The following SP140 variants were observed in gnomAD, a reference collection of about 807,000 sequenced individuals.
The protein encoded by SP140 is SP140 nuclear body protein.
SP140 carries 81 observed loss-of-function variants against 125.0 expected under a neutral mutation model. The observed-to-expected ratio is 0.65, with a 90% CI of 0.54 to 0.78. SP140 has a LOEUF of 0.78. SP140 is among the 30% of genes least tolerant of loss of function. The probability of loss-of-function intolerance (pLI) is 0.00; values close to 1 mark genes in which losing one functional copy is unlikely to be tolerated. For synonymous variants in SP140, 312 were observed against 354.0 expected (o/e 0.88, Z 1.33); for missense variants, 858 against 1,037.0 (o/e 0.83, Z 2.37).
chr2:230,260,716 A>C (rs2052088310), intron 12 of SP140, among the ~76,000 whole-genome samples: 1 of 151,794 alleles, frequency 6.6e-6, no homozygotes, highest in South Asian at 2.1e-4. Flanking sequence ...TCCCCACTTT[A>C]TGGTTTGTTT....
intron 1 of SP140, 127 bp downstream of exon 1, chr2:230,226,030 C>A: frequency 2.7e-6 from 2 of 744,392 alleles, no homozygotes; most frequent in Non-Finnish European, 2.2e-6. Flanking sequence ...AAATAAATAA[C>A]GAGGCAATCA....
At position 230,219,363 on chromosome 2, in the gene SP140, A is replaced by C. The variant is rs186519545; in HGVS notation, c.-91+5289A>C. ...TGAGTGGGAAGGTCAACAGGTCCAA[A>C]TGTTCTGAAGGCTGATTTAGTAATC... On this transcript the variant is annotated intron_variant, in intron 3 of 4. Transcript: ENST00000456542. 3.3e-5 allele frequency among the ~76,000 whole-genome samples: 5 copies of C among 152,366 alleles called. No individual in the cohort carries two copies. The East Asian group carries it at 7.7e-4, about 23-fold the overall frequency.
At chr2:230,228,838 T>G (rs2046834441) in intron 1 of SP140, among the ~76,000 whole-genome samples, 1 of 152,206 alleles carries the variant, frequency 6.6e-6, no homozygotes, top group African/African-American at 2.4e-5. Flanking sequence ...GTGTTTTTTA[T>G]GTACTCTGTT....
upstream of SP140, among the ~76,000 whole-genome samples, chr2:230,223,164 G>A (rs570720004): frequency 5.3e-5 from 8 of 152,008 alleles, no homozygotes; most frequent in South Asian, 1.5e-3. Context: ...AGCCTCCTGA[G>A]TAGCTGGGAC....
chr2:230,294,281 T>C lies in SP140; in HGVS notation c.1979T>C (p.Leu660Pro). 6.2e-7 allele frequency: 1 copy of C among 1,613,424 alleles called. No individual in the cohort carries two copies. Among genetic ancestry groups the C allele is most frequent in the Non-Finnish European group, 8.5e-7 (1 of 1,179,338 alleles). The change falls in exon 21 of 27, where the codon CTG becomes CCG. Residue 660 changes from leucine (L) to proline (P), a missense_variant. Coordinates refer to ENST00000392045, the MANE Select transcript of SP140 (RefSeq NM_007237.5). Reference protein sequence around the residue: ...PLRWLMENGFLPDPPRIRYRK... With the variant: ...PLRWLMENGFPPDPPRIRYRK... ...CTTTTTGTCTTTCAGAATGGATTTC[T>C]GCCTGATCCTCCAAGAATACGTTAC...
intron 15 of SP140, among the ~76,000 whole-genome samples, chr2:230,282,124 T>C (rs2055659126): frequency 6.6e-6 from 1 of 152,194 alleles, no homozygotes; most frequent in Non-Finnish European, 1.5e-5. Flanking sequence ...ATTATCTTTT[T>C]AGCTGGAATT....
chr2:230,284,302 A>G (rs1212100788), intron 15 of SP140, 44 bp from the exon 16 acceptor site: 1 of 1,542,076 alleles, frequency 6.5e-7, no homozygotes, highest in Non-Finnish European at 8.8e-7. Flanking sequence ...AGAGAATTAT[A>G]TTTATACCTC....
intron 1 of SP140, among the ~76,000 whole-genome samples, chr2:230,229,307 A>G (rs1346016316): frequency 6.6e-6 from 1 of 152,002 alleles, no homozygotes; most frequent in African/African-American, 2.4e-5. Flanking sequence ...ATTAATTTGA[A>G]TAAATGGCTT....
intron 1 of SP140, among the ~76,000 whole-genome samples, chr2:230,236,818 A>C (rs1451610966): frequency 1.3e-5 from 2 of 152,218 alleles, no homozygotes; most frequent in Non-Finnish European, 2.9e-5. Context: ...GTTCAGGTGA[A>C]GGTCTCTTTA....
upstream of SP140, among the ~76,000 whole-genome samples, chr2:230,224,255 T>C (rs929325379): frequency 1.3e-5 from 2 of 152,136 alleles, no homozygotes; most frequent in African/African-American, 4.8e-5. Flanking sequence ...AATGTCCAGT[T>C]CATTGGTGTC....
intron 22 of SP140, among the ~76,000 whole-genome samples, chr2:230,307,986 TATATACACACACAC>T (rs1176061460): frequency 1.6e-3 from 140 of 85,596 alleles, no homozygotes; most frequent in African/African-American, 6.7e-3. Flanking sequence ...TATATATATA[TATATACACACACAC>T]ACACACACAC....
In SP140 at chr2:230,285,632, G is replaced by A; in HGVS notation, c.1565-120G>A. 3.8e-6 allele frequency: 3 copies of A among 786,556 alleles called. No individual in the cohort carries two copies. The East Asian group carries it at 7.5e-5, about 20-fold the overall frequency. 48.7% of individuals were successfully genotyped at this position (786,556 alleles called of 1,614,324 possible). ...CACTCCCAAAAGCAAAAAATGCTCT[G>A]GACACCTGCTCGAGGGGATCCAGAA... On this transcript the variant is annotated intron_variant, in intron 16 of 26. Coordinates refer to ENST00000392045, the MANE Select transcript of SP140 (RefSeq NM_007237.5).
chr2:230,234,974 A>T (rs1439562185), intron 1 of SP140: 9 of 152,200 alleles, frequency 5.9e-5, no homozygotes, highest in Admixed American at 5.9e-4. Flanking sequence ...TAGTCTGTTC[A>T]TGCTTACCAG....
chr2:230,288,197 T>A (rs2056642399), intron 18 of SP140: 2 of 428,046 alleles, frequency 4.7e-6, no homozygotes, highest in East Asian at 7.7e-5. Context: ...ACTAAAGTGC[T>A]ACTTTCACTG....
chr2:230,214,706 T>C (rs1487651974), intron 3 of SP140, among the ~76,000 whole-genome samples: 2 of 152,156 alleles, frequency 1.3e-5, no homozygotes, highest in African/African-American at 4.8e-5. Context: ...AATTGTATGA[T>C]TTTTTTCCAA....
chr2:230,195,389 C>A, the SP140 span, among the ~76,000 whole-genome samples: 3 of 152,114 alleles, frequency 2.0e-5, no homozygotes, highest in African/African-American at 4.8e-5. Flanking sequence ...GGCTGGAGTG[C>A]AGTGGCATAA....
chr2:230,216,773 T>G, intron 3 of SP140: 1 of 1,613,770 alleles, frequency 6.2e-7, no homozygotes. Flanking sequence ...GGGTTCAACA[T>G]GACTCACCAT....
intron 15 of SP140, among the ~76,000 whole-genome samples, chr2:230,282,939 G>A (rs962711652): frequency 1.2e-4 from 18 of 152,202 alleles, no homozygotes; most frequent in African/African-American, 4.3e-4. Flanking sequence ...GTGTGTGGCT[G>A]GGGAGAGGGT....
At chr2:230,191,188 AGAAAGATCTCAAAT>A in the SP140 span, among the ~76,000 whole-genome samples, 1 of 152,164 alleles carries the variant, frequency 6.6e-6, no homozygotes, top group Admixed American at 6.5e-5. Context: ...TCAGGAAGCT[AGAAAGATCTCAAAT>A]GGACACCCTA....
Sources: allele counts gnomAD v4.1 joint callset (sites outside exome capture counted in the v4.1 genomes callset), GRCh38; gene constraint gnomAD v4.1.1; transcripts MANE v1.5; gene names NCBI Gene and HGNC (gene_info 2026-07-23, HGNC 2026-07-21).